The following MAPK6 variants were observed in gnomAD, a reference collection of about 807,000 sequenced individuals.
MAPK6 encodes the protein ERK-3.
Under a neutral mutation model 59.3 loss-of-function variants are expected in MAPK6, and 19 were observed. The observed-to-expected ratio is 0.32, with a 90% CI of 0.22 to 0.47. MAPK6 has a LOEUF of 0.47. Ranked by LOEUF, MAPK6 falls within the 20% of genes least tolerant of loss-of-function variation. MAPK6 has a pLI of 1.00. For missense variants in MAPK6, 724 were observed against 847.9 expected (o/e 0.85, Z 1.81); for synonymous variants, 316 against 290.3 (o/e 1.09, Z -0.90).
chr15:52,042,237 C>T lies in MAPK6; in HGVS notation c.-631-3593C>T, dbSNP rs145468461. Among the ~76,000 whole-genome samples the T allele has an allele frequency of 3.5e-3, 529 of 152,314 alleles. 2 individuals carry two copies. Among genetic ancestry groups the T allele is most frequent in the Admixed American group, 4.6e-3 (70 of 15,290 alleles). On this transcript the variant is annotated intron_variant, in intron 1 of 5. Coordinates refer to ENST00000261845, the MANE Select transcript of MAPK6 (RefSeq NM_002748.4). ...AGAGCAGTGACGCAGAATCACTGAA[C>T]AAGCACTGCCATTGTAAATCTTTTT...
chr15:51,974,658 C>CA (rs765698138), intron 1 of MAPK6, among the ~76,000 whole-genome samples: 2,170 of 32,568 alleles, frequency 0.067, 107 homozygotes, highest in Non-Finnish European at 0.1. Flanking sequence ...GACTCCGTCT[C>CA]AAAAAAAAAA....
chr15:52,051,303 C>T (rs1033966935), intron 3 of MAPK6, among the ~76,000 whole-genome samples: 8 of 151,972 alleles, frequency 5.3e-5, no homozygotes, highest in East Asian at 2.0e-4. Flanking sequence ...GTGATCCACC[C>T]GCCTCGGCCT....
upstream of MAPK6, among the ~76,000 whole-genome samples, chr15:52,016,070 G>GCGCGCGCGCGCACACACACACACACA: frequency 7.2e-5 from 4 of 55,392 alleles, no homozygotes; most frequent in Non-Finnish European, 1.4e-4. Context: ...GCGCGCGCGC[G>GCGCGCGCGCGCACACACACACACACA]CACACACACA....
chr15:52,033,696 C>G (rs1254615082), intron 1 of MAPK6: 1 of 152,158 alleles, frequency 6.6e-6, no homozygotes, highest in Admixed American at 6.6e-5. Flanking sequence ...AGCCAGTTCT[C>G]CCTAATAAGC....
chr15:51,982,340 A>C (rs971848341), intron 1 of MAPK6, among the ~76,000 whole-genome samples: 8 of 152,234 alleles, frequency 5.3e-5, no homozygotes, highest in African/African-American at 1.9e-4. Flanking sequence ...TCTCACCCAC[A>C]GAGGACTACC....
chr15:52,063,335 A>C (rs1401761247), intron 5 of MAPK6, among the ~76,000 whole-genome samples: 4 of 152,226 alleles, frequency 2.6e-5, no homozygotes, highest in Non-Finnish European at 5.9e-5. Flanking sequence ...AAGTGCTAGC[A>C]TTGCAGGCCT....
intron 3 of MAPK6, among the ~76,000 whole-genome samples, chr15:52,051,555 C>G (rs2031781755): frequency 6.6e-6 from 1 of 152,134 alleles, no homozygotes; most frequent in Non-Finnish European, 1.5e-5. Flanking sequence ...CAAGCCAGCT[C>G]TTTATAATTT....
chr15:52,018,961 T>G (rs926205907), upstream of MAPK6: 2 of 152,458 alleles, frequency 1.3e-5, no homozygotes, highest in South Asian at 4.1e-4. Context: ...GTTTGGTCAC[T>G]TTGTTCCCTT....
At chr15:52,015,640 T>A (rs1308394998), upstream of MAPK6, among the ~76,000 whole-genome samples, 2 of 150,662 alleles carry the variant, frequency 1.3e-5, no homozygotes. Flanking sequence ...GCCCGGCTAA[T>A]TTTTTTTGTA....
intron 2 of MAPK6, among the ~76,000 whole-genome samples, chr15:51,992,246 C>G (rs1044324791): frequency 6.7e-6 from 1 of 149,822 alleles, no homozygotes; most frequent in African/African-American, 2.5e-5. Flanking sequence ...GCATGAGCCA[C>G]CGCACCCGGC....
chr15:51,988,395 A>T (rs1595959017), intron 2 of MAPK6, among the ~76,000 whole-genome samples: 1 of 152,142 alleles, frequency 6.6e-6, no homozygotes, highest in East Asian at 1.9e-4. Context: ...TGTATTTGTT[A>T]TATAAGCCAC....
At chr15:52,025,659 G>A (rs556263020) in intron 1 of MAPK6, among the ~76,000 whole-genome samples, 78 of 152,092 alleles carry the variant, frequency 5.1e-4, no homozygotes, top group African/African-American at 1.8e-3. Flanking sequence ...AAAATTAGCC[G>A]GGTGGCGGGC....
In MAPK6 at chr15:52,050,090, C is replaced by T; in HGVS notation, c.653C>T (p.Ala218Val). 6.2e-7 allele frequency: 1 copy of T among 1,611,936 alleles called. No individual in the cohort carries two copies. Among genetic ancestry groups the T allele is most frequent in the Non-Finnish European group, 8.5e-7 (1 of 1,179,420 alleles). ...ACTAAAGCCATTGACATGTGGGCTG[C>T]AGGCTGCATCTTTGCTGAAATGCTG... ...NYTKAIDMWA[A>V]GCIFAEMLTG... Residue 218 changes from alanine (A) to valine (V), a missense_variant, in exon 3 of 6, where the codon GCA becomes GTA. By Grantham distance (64) the Ala-to-Val change is moderately conservative. This residue lies in a region of MAPK6 where 105 missense variants were observed against 191.9 expected (regional missense o/e 0.55). Coordinates refer to ENST00000261845, the MANE Select transcript of MAPK6 (RefSeq NM_002748.4).
intron 1 of MAPK6, among the ~76,000 whole-genome samples, chr15:52,031,074 G>A (rs2031013689): frequency 6.6e-6 from 1 of 151,958 alleles, no homozygotes; most frequent in South Asian, 2.1e-4. Flanking sequence ...GATTACAGGT[G>A]TGAGCCACCA....
Position 52,064,877 on chromosome 15 carries a change from G to A in MAPK6, c.2043G>A (p.Gln681=), listed in dbSNP as rs140553940. Residue 681 remains glutamine, a synonymous_variant, in exon 6 of 6, where the codon CAG becomes CAA. Transcript: ENST00000261845. The part of the protein sequence containing the change: ...NKQLESIGIP[Q]FHSPVGSPLK... Reference sequence around the variant, plus strand: ...AGCTCGAGTCCATAGGCATCCCACAGTTTCACAGTCCAGTTGGGTCACCAC... The same window carrying A: ...AGCTCGAGTCCATAGGCATCCCACAATTTCACAGTCCAGTTGGGTCACCAC... 1.7e-5 allele frequency: 27 copies of A among 1,611,970 alleles called. No homozygotes were observed. The African/African-American group carries it at 3.5e-4, about 21-fold the overall frequency.
chr15:52,063,791 A>G (rs979825162), intron 5 of MAPK6, 111 bp from the exon 6 acceptor site: 3 of 856,628 alleles, frequency 3.5e-6, no homozygotes, highest in South Asian at 3.1e-5. Flanking sequence ...TTACTCTCCT[A>G]TAATTATCCC....
intron 1 of MAPK6, among the ~76,000 whole-genome samples, chr15:52,042,286 T>C (rs1226802579): frequency 4.6e-5 from 7 of 152,256 alleles, no homozygotes; most frequent in African/African-American, 1.7e-4. Context: ...TTAACTGGTA[T>C]AATCCTCATT....
At chr15:52,055,833 ATGTT>A (rs1265151162) in intron 3 of MAPK6, among the ~76,000 whole-genome samples, 1 of 152,216 alleles carries the variant, frequency 6.6e-6, no homozygotes, top group Non-Finnish European at 1.5e-5. Context: ...GTATTTTTAA[ATGTT>A]TGTTTTTAAA....
chr15:52,039,305 A>G (rs944061944), intron 1 of MAPK6, among the ~76,000 whole-genome samples: 1 of 152,052 alleles, frequency 6.6e-6, no homozygotes, highest in Non-Finnish European at 1.5e-5. Context: ...ACTAGTTGTA[A>G]TCTGGTTACA....
Sources: gnomAD v4.1 joint callset for allele counts (sites outside exome capture counted in the v4.1 genomes callset) on GRCh38, gnomAD v4.1.1 for gene constraint, gnomAD v4.1.1 regional missense constraint, MANE v1.5 for transcripts, NCBI Gene and HGNC (gene_info 2026-07-23, HGNC 2026-07-21) for gene names.